The following CDH18 variants were observed in gnomAD, a reference collection of about 807,000 sequenced individuals.
The protein encoded by CDH18 is cadherin 18, also known as cadherin-18.
A neutral mutation model predicts 67.9 loss-of-function variants in CDH18; 31 were observed. The observed-to-expected ratio is 0.46, with a 90% confidence interval of 0.34 to 0.62. CDH18 has a LOEUF of 0.62. CDH18 is among the 20% of genes least tolerant of loss of function. The pLI, the probability that CDH18 is intolerant of heterozygous loss-of-function variation, is 0.01. For missense variants in CDH18, 890 were observed against 975.5 expected, an observed-to-expected ratio of 0.91 and a Z score of 1.17; for synonymous variants, 362 against 347.2, an observed-to-expected ratio of 1.04 and a Z score of -0.48.
chr5:20,007,538 G>T (rs1300711953), intron 2 of CDH18, among the ~76,000 whole-genome samples: 1 of 152,082 alleles, frequency 6.6e-6, no homozygotes, highest in Admixed American at 6.6e-5. Flanking sequence ...TTTTAAGCAT[G>T]ACTCAAAATA....
chr5:20,051,436 G>T (rs1741408261), intron 2 of CDH18, among the ~76,000 whole-genome samples: 1 of 151,822 alleles, frequency 6.6e-6, no homozygotes. Flanking sequence ...TCTGAGTTAT[G>T]ACTCTACTAT....
At chr5:19,675,996 A>G (rs1759437485) in intron 5 of CDH18, among the ~76,000 whole-genome samples, 1 of 151,912 alleles carries the variant, frequency 6.6e-6, no homozygotes, top group Non-Finnish European at 1.5e-5. Flanking sequence ...AAAAAAAAGT[A>G]AACAAAAGCA....
chr5:19,639,905 C>T lies in CDH18; in HGVS notation c.644-27304G>A, dbSNP rs77987394. Among the ~76,000 whole-genome samples, 66 of 152,250 alleles carry T rather than the reference C, an allele frequency of 4.3e-4. 1 individual carries two copies. In the East Asian group the frequency reaches 0.012, roughly 27 times the overall value. On this transcript the variant is annotated intron_variant, in intron 5 of 12. Coordinates refer to ENST00000382275, the MANE Select transcript of CDH18 (RefSeq NM_004934.5). ...AATTCATCACATACAAGGGAATTAC[C>T]ATAAGGCTATCAATGTCGTTCTCAA...
intron 1 of CDH18, among the ~76,000 whole-genome samples, chr5:20,334,278 C>A (rs548718104): frequency 2.0e-5 from 3 of 150,610 alleles, no homozygotes; most frequent in Admixed American, 1.3e-4. Context: ...GGACTACAGG[C>A]GCCCGCCACC....
chr5:19,836,518 T>C (rs1781656949), intron 3 of CDH18, among the ~76,000 whole-genome samples: 1 of 152,190 alleles, frequency 6.6e-6, no homozygotes, highest in South Asian at 2.1e-4. Flanking sequence ...AGGGGGTGTT[T>C]GTTTTTTTCT....
chr5:19,691,437 G>A (rs1466710654), intron 5 of CDH18, among the ~76,000 whole-genome samples: 1 of 151,830 alleles, frequency 6.6e-6, no homozygotes, highest in African/African-American at 2.4e-5. Flanking sequence ...AGTTGGAAAG[G>A]AGGAAGTCAA....
At chr5:19,995,116 C>T (rs908587741) in intron 2 of CDH18, among the ~76,000 whole-genome samples, 1 of 151,638 alleles carries the variant, frequency 6.6e-6, no homozygotes, top group African/African-American at 2.4e-5. Flanking sequence ...TTGGATGATG[C>T]ACACCCACAT....
chr5:20,073,497 C>T (rs1435581517), intron 2 of CDH18, among the ~76,000 whole-genome samples: 1 of 151,832 alleles, frequency 6.6e-6, no homozygotes, highest in Non-Finnish European at 1.5e-5. Flanking sequence ...TGGTACTGGG[C>T]CAGTGAAATT....
chr5:19,745,278 A>C (rs1028594915), intron 4 of CDH18, among the ~76,000 whole-genome samples: 1 of 152,192 alleles, frequency 6.6e-6, no homozygotes, highest in Non-Finnish European at 1.5e-5. Context: ...AAAGGCTTTG[A>C]GTTACAGAAA....
chr5:19,518,146 T>C (rs947174119), intron 10 of CDH18, among the ~76,000 whole-genome samples: 1 of 152,038 alleles, frequency 6.6e-6, no homozygotes, highest in African/African-American at 2.4e-5. Context: ...AATCAGTGCA[T>C]AGAAAAATAT....
chr5:19,799,069 T>A (rs545094646), intron 3 of CDH18, among the ~76,000 whole-genome samples: 1 of 152,192 alleles, frequency 6.6e-6, no homozygotes, highest in Admixed American at 6.5e-5. Flanking sequence ...TGCAGGTATC[T>A]CTTCATGATG....
At chr5:20,074,510 A>G (rs550933596) in intron 2 of CDH18, among the ~76,000 whole-genome samples, 1 of 152,296 alleles carries the variant, frequency 6.6e-6, no homozygotes, top group South Asian at 2.1e-4. Context: ...AACATTCCAA[A>G]TTAACAGATC....
intron 2 of CDH18, among the ~76,000 whole-genome samples, chr5:20,161,799 G>T (rs1580375997): frequency 6.6e-6 from 1 of 152,220 alleles, no homozygotes; most frequent in Non-Finnish European, 1.5e-5. Flanking sequence ...TTTATTCAGG[G>T]TTATTTGTAT....
intron 4 of CDH18, among the ~76,000 whole-genome samples, chr5:19,741,897 C>T (rs1459304743): frequency 1.3e-5 from 2 of 152,090 alleles, no homozygotes; most frequent in African/African-American, 4.8e-5. Flanking sequence ...TACTAAACAT[C>T]CTACAAGGCA....
intron 1 of CDH18, among the ~76,000 whole-genome samples, chr5:20,457,356 T>A (rs1392603536): frequency 6.6e-6 from 1 of 152,234 alleles, no homozygotes; most frequent in Non-Finnish European, 1.5e-5. Context: ...TATAAAATGA[T>A]ACCTAATATT....
chr5:20,350,852 G>A (rs953950675), intron 1 of CDH18, among the ~76,000 whole-genome samples: 1 of 152,076 alleles, frequency 6.6e-6, no homozygotes, highest in Non-Finnish European at 1.5e-5. Context: ...TATTATTCAG[G>A]TTAGAATTGC....
rs73058710 is a variant in CDH18 at position 20,372,237 on chromosome 5, G to C, written c.-579-116732C>G. 6.4e-3 allele frequency among the ~76,000 whole-genome samples: 981 copies of C among 152,212 alleles called. 8 individuals carry two copies. Among genetic ancestry groups the C allele is most frequent in the African/African-American group, 0.022 (929 of 41,542 alleles). On this transcript the variant is annotated intron_variant, in intron 1 of 14. Transcript: ENST00000507958. ...ATTTTTAAATTGCTATAATATTTTA[G>C]TTGTACATATTTTAGAGATAGGTTT...
At chr5:20,116,621 A>G (rs577748811) in intron 2 of CDH18, among the ~76,000 whole-genome samples, 27 of 152,338 alleles carry the variant, frequency 1.8e-4, no homozygotes, top group African/African-American at 6.3e-4. Flanking sequence ...ACCACTTTCA[A>G]TCTTATCATT....
At chr5:19,849,516 A>G (rs189880433) in intron 2 of CDH18, among the ~76,000 whole-genome samples, 2 of 151,744 alleles carry the variant, frequency 1.3e-5, no homozygotes, top group Non-Finnish European at 2.9e-5. Flanking sequence ...CAGATGCCAT[A>G]AATGTACGCT....
Sources: allele counts gnomAD v4.1 joint callset (sites outside exome capture counted in the v4.1 genomes callset), GRCh38; gene constraint gnomAD v4.1.1; transcripts MANE v1.5; gene names NCBI Gene and HGNC (gene_info 2026-07-23, HGNC 2026-07-21).